Variants in BAZ2B observed in about 807,000 individuals in gnomAD.
BAZ2B encodes bromodomain adjacent to zinc finger domain protein 2B.
In BAZ2B, 91 loss-of-function variants were observed where a neutral mutation model predicts 246.0. The ratio of observed to expected loss-of-function variants is 0.37; its 90% CI spans 0.31 to 0.44. The LOEUF is 0.44. Ranked by LOEUF, BAZ2B falls within the 20% of genes least tolerant of loss-of-function variation. The pLI is 1.00. For missense variants in BAZ2B, 2,332 were observed against 2,533.7 expected (o/e 0.92, Z 1.71); for synonymous variants, 855 against 860.0 (o/e 0.99, Z 0.10).
chr2:159,549,056 A>G (rs2087760475), intron 2 of BAZ2B, among the ~76,000 whole-genome samples: 1 of 152,100 alleles, frequency 6.6e-6, no homozygotes, highest in Non-Finnish European at 1.5e-5. Flanking sequence ...CGAGGCAGGC[A>G]GATTAGTTGA....
intron 16 of BAZ2B, 44 bp from the exon 17 acceptor site, chr2:159,400,708 T>A: frequency 8.6e-7 from 1 of 1,162,256 alleles, no homozygotes; most frequent in Admixed American, 2.0e-5. Flanking sequence ...AAATAAACTA[T>A]CTGAGTAAAG....
At position 159,448,444 on chromosome 2, in the gene BAZ2B, A is replaced by G. The variant is rs953028356; in HGVS notation, c.335-35T>C. 4.0e-6 allele frequency: 6 copies of G among 1,514,794 alleles called. No individual in the cohort carries two copies. The African/African-American group carries it at 7.1e-5, about 18-fold the overall frequency. 93.8% of individuals were successfully genotyped at this position (1,514,794 alleles called of 1,614,324 possible). A position where few individuals can be genotyped will look rare whatever the true frequency, so the allele number is the denominator to read the frequency against. On this transcript the variant is annotated intron_variant, in intron 4 of 36. Coordinates refer to ENST00000392783, the MANE Select transcript of BAZ2B (RefSeq NM_013450.4). ...AAACAAACCAACCAAACAAAAATAT[A>G]TAAATTAACTTTCCAGTTAACGTCA...
Position 159,439,131 on chromosome 2 carries a change from T to C in BAZ2B, c.778A>G (p.Ile260Val), listed in dbSNP as rs375992481. The change falls in exon 7 of 37, where the codon ATT (isoleucine) becomes GTT (valine). Residue 260 changes from isoleucine to valine, a missense_variant. Ile to Val is a conservative substitution (Grantham distance 29). This residue lies in a region of BAZ2B where 161 missense variants were observed against 225.8 expected (regional missense o/e 0.71). Transcript: ENST00000392783. ...GTSSDTSSEG[I>V]SSSDSDDLEE... ...AGATCATCTGAATCACTGCTACTAATGCCTTCACTTGAGGTGTCTGATGAT... is the reference window on the plus strand; with the variant it reads ...AGATCATCTGAATCACTGCTACTAACGCCTTCACTTGAGGTGTCTGATGAT... 4.3e-6 allele frequency: 7 copies of C among 1,613,898 alleles called. No homozygotes were observed. The African/African-American group carries it at 9.3e-5, about 22-fold the overall frequency.
intron 33 of BAZ2B, 106 bp from the exon 34 acceptor site, chr2:159,332,792 C>T (rs937121660): frequency 3.1e-6 from 4 of 1,289,194 alleles, no homozygotes; most frequent in Non-Finnish European, 4.3e-6. Context: ...AATGAACATT[C>T]CGCTTGCTTA....
chr2:159,394,131 TA>T (rs199895045), intron 20 of BAZ2B, among the ~76,000 whole-genome samples: 19 of 145,130 alleles, frequency 1.3e-4, no homozygotes, highest in African/African-American at 1.0e-4. Flanking sequence ...TCCTTCTGAT[TA>T]AAAAAAAAAA....
intron 2 of BAZ2B, among the ~76,000 whole-genome samples, chr2:159,486,086 T>C (rs2079802914): frequency 6.6e-6 from 1 of 152,088 alleles, no homozygotes; most frequent in Non-Finnish European, 1.5e-5. Context: ...AAGAAAGATT[T>C]AATATCTCTA....
chr2:159,382,902 T>C, intron 24 of BAZ2B, 100 bp from the exon 25 acceptor site: 3 of 1,449,366 alleles, frequency 2.1e-6, no homozygotes, highest in East Asian at 4.6e-5. Context: ...CCTTATGGCA[T>C]TTCTTTTGTG....
the BAZ2B span, among the ~76,000 whole-genome samples, chr2:159,631,275 A>G: frequency 2.6e-5 from 4 of 152,220 alleles, no homozygotes; most frequent in Non-Finnish European, 4.4e-5. Flanking sequence ...AATTGCATAA[A>G]AACTCTGTGA....
At chr2:159,520,238 T>C (rs2151255154) in intron 2 of BAZ2B, among the ~76,000 whole-genome samples, 1 of 152,286 alleles carries the variant, frequency 6.6e-6, no homozygotes, top group South Asian at 2.1e-4. Context: ...TAGCAAATCA[T>C]ATCTTCCTTA....
the BAZ2B span, among the ~76,000 whole-genome samples, chr2:159,660,379 G>T: frequency 6.6e-6 from 1 of 152,004 alleles, no homozygotes; most frequent in Admixed American, 6.6e-5. Context: ...AAGAATTTGG[G>T]TTGTTTCCAT....
At chr2:159,512,162 C>A (rs936975248) in intron 2 of BAZ2B, among the ~76,000 whole-genome samples, 5 of 152,102 alleles carry the variant, frequency 3.3e-5, no homozygotes, top group African/African-American at 1.2e-4. Flanking sequence ...TTTAAAAAAA[C>A]TGGTATTTCT....
intron 20 of BAZ2B, among the ~76,000 whole-genome samples, chr2:159,391,283 G>A (rs533283604): frequency 2.6e-5 from 4 of 152,242 alleles, no homozygotes; most frequent in African/African-American, 7.2e-5. Context: ...ATGTACTACA[G>A]TGTCTATGCC....
the BAZ2B span, among the ~76,000 whole-genome samples, chr2:159,679,446 T>TTATA: frequency 1.3e-5 from 2 of 152,256 alleles, no homozygotes; most frequent in South Asian, 4.2e-4. Flanking sequence ...CAGAGTTTGT[T>TTATA]TATATATTCA....
chr2:159,513,630 C>T (rs957024663), intron 2 of BAZ2B, among the ~76,000 whole-genome samples: 2 of 152,176 alleles, frequency 1.3e-5, no homozygotes, highest in African/African-American at 2.4e-5. Flanking sequence ...TTCCTTGTAT[C>T]TCACATCCAG....
intron 1 of BAZ2B, among the ~76,000 whole-genome samples, chr2:159,575,335 T>C (rs1325840832): frequency 6.6e-6 from 1 of 151,020 alleles, no homozygotes; most frequent in Admixed American, 6.6e-5. Flanking sequence ...AAAGGGAGAG[T>C]AGATAGCCTG....
the BAZ2B span, chr2:159,670,563 GTATAT>G: frequency 5.3e-5 from 8 of 151,962 alleles, no homozygotes; most frequent in Admixed American, 5.2e-4. Context: ...AGTTACTATT[GTATAT>G]TAACAATGTA....
chr2:159,670,634 TG>T, the BAZ2B span: 1 of 152,220 alleles, frequency 6.6e-6, no homozygotes, highest in Admixed American at 6.5e-5. Flanking sequence ...GTTATAATTT[TG>T]TTTTAAATAC....
intron 36 of BAZ2B, among the ~76,000 whole-genome samples, chr2:159,321,090 G>A (rs767953903): frequency 1.3e-5 from 2 of 152,182 alleles, no homozygotes; most frequent in African/African-American, 2.4e-5. Context: ...GGCGGGATAA[G>A]CCCAATTCTC....
chr2:159,586,962 AAT>A (rs1193567774), intron 1 of BAZ2B, among the ~76,000 whole-genome samples: 1 of 152,210 alleles, frequency 6.6e-6, no homozygotes, highest in Non-Finnish European at 1.5e-5. Flanking sequence ...CCAGAATGCC[AAT>A]AGACATACCT....
Sources: gnomAD v4.1 joint callset for allele counts (sites outside exome capture counted in the v4.1 genomes callset) on GRCh38, gnomAD v4.1.1 for gene constraint, gnomAD v4.1.1 regional missense constraint, MANE v1.5 for transcripts, NCBI Gene and HGNC (gene_info 2026-07-23, HGNC 2026-07-21) for gene names.